The following EIF4ENIF1 variants were observed in gnomAD, a reference collection of about 807,000 sequenced individuals.
EIF4ENIF1 encodes the protein eukaryotic translation initiation factor 4E transporter.
A neutral mutation model predicts 110.5 loss-of-function variants in EIF4ENIF1; 23 were observed. That is an observed-to-expected ratio of 0.21 (90% CI 0.15 to 0.29). The LOEUF (loss-of-function observed/expected upper bound fraction) is 0.29. Among genes scored for constraint, EIF4ENIF1 ranks in the 10% least tolerant of loss-of-function variants. The pLI, the probability that EIF4ENIF1 is intolerant of heterozygous loss-of-function variation, is 1.00. For missense variants in EIF4ENIF1, 1,031 were observed against 1,221.1 expected (o/e 0.84, Z 2.32); for synonymous variants, 440 against 437.0 (o/e 1.01, Z -0.09).
chr22:31,450,509 C>G (rs917920094), intron 10 of EIF4ENIF1, 149 bp from the exon 11 acceptor site: 1 of 555,460 alleles, frequency 1.8e-6, no homozygotes, highest in Non-Finnish European at 3.3e-6. Flanking sequence ...CAACGTGTTC[C>G]GCTCTCATCA....
intron 14 of EIF4ENIF1, 38 bp from the exon 15 acceptor site, chr22:31,444,728 G>C: frequency 1.3e-6 from 2 of 1,592,752 alleles, no homozygotes; most frequent in Non-Finnish European, 1.7e-6. Context: ...ACCCCAATCT[G>C]CTTAACTTCA....
intron 2 of EIF4ENIF1, among the ~76,000 whole-genome samples, chr22:31,479,655 G>T (rs1056535168): frequency 6.7e-6 from 1 of 148,406 alleles, no homozygotes; most frequent in African/African-American, 2.5e-5. Flanking sequence ...AGTATTTCAA[G>T]AAAGGATGTG....
intron 4 of EIF4ENIF1, among the ~76,000 whole-genome samples, chr22:31,465,290 T>G (rs1342132367): frequency 6.8e-6 from 1 of 147,726 alleles, no homozygotes; most frequent in Non-Finnish European, 1.5e-5. Context: ...ACCACTGCAC[T>G]GTAGCCTGGG....
chr22:31,443,352 G>C (rs2050362849), intron 15 of EIF4ENIF1: 1 of 350,100 alleles, frequency 2.9e-6, no homozygotes, highest in African/African-American at 2.1e-5. Flanking sequence ...AGATTTCCCA[G>C]CCTGGGATTA....
At position 31,466,003 on chromosome 22, in the gene EIF4ENIF1, C is replaced by G. The variant is rs1005886521; in HGVS notation, c.299-2036G>C. Among the ~76,000 whole-genome samples, 4 of 152,196 alleles carry G rather than the reference C, an allele frequency of 2.6e-5. No individual in the cohort carries two copies. In the South Asian group the frequency reaches 8.3e-4, roughly 32 times the overall value. On this transcript the variant is annotated intron_variant, in intron 4 of 18. Transcript: ENST00000330125. Reference sequence around the variant, plus strand: ...TACAGAAAGCAGATCAGTCCGGACACTATGGCTCATGCCTGTAATCCCAAC... The same window carrying G: ...TACAGAAAGCAGATCAGTCCGGACAGTATGGCTCATGCCTGTAATCCCAAC...
chr22:31,478,779 G>A lies in EIF4ENIF1; in HGVS notation c.97-6862C>T, dbSNP rs549910126. ...ATCCTGGCTAACATGGTGAAACCCC[G>A]TCTCTATCAAAAATACAAAAAAATT... On this transcript the variant is annotated intron_variant, in intron 2 of 18. Transcript: ENST00000330125. 2.6e-3 allele frequency among the ~76,000 whole-genome samples: 398 copies of A among 151,532 alleles called. 2 individuals are homozygous for A. The highest frequency in any genetic ancestry group is 8.9e-3 in the African/African-American group (368 of 41,336).
intron 2 of EIF4ENIF1, among the ~76,000 whole-genome samples, chr22:31,485,937 G>T: frequency 6.6e-6 from 1 of 151,730 alleles, no homozygotes; most frequent in East Asian, 1.9e-4. Flanking sequence ...CAGTGAAACC[G>T]TCTCTACTAA....
intron 11 of EIF4ENIF1, 130 bp from the exon 12 acceptor site, chr22:31,449,661 G>T: frequency 1.4e-6 from 1 of 713,698 alleles, no homozygotes. Flanking sequence ...CTTGGCATGT[G>T]TACATGCAAC....
At chr22:31,477,593 A>T (rs1319723028) in intron 2 of EIF4ENIF1, among the ~76,000 whole-genome samples, 1 of 152,210 alleles carries the variant, frequency 6.6e-6, no homozygotes, top group Non-Finnish European at 1.5e-5. Flanking sequence ...TGTGATGCTT[A>T]AGTGAACAGA....
chr22:31,438,755 ACT>A (rs1296952168), downstream of EIF4ENIF1, among the ~76,000 whole-genome samples: 1 of 151,192 alleles, frequency 6.6e-6, no homozygotes, highest in African/African-American at 2.4e-5. Flanking sequence ...ATGGAGTCTC[ACT>A]CTGTCGCCAG....
At chr22:31,445,515 T>C (rs1010762112) in intron 14 of EIF4ENIF1, among the ~76,000 whole-genome samples, 1 of 152,320 alleles carries the variant, frequency 6.6e-6, no homozygotes, top group African/African-American at 2.4e-5. Flanking sequence ...AGATCAGTAC[T>C]ATTCTGAGTG....
At position 31,463,836 on chromosome 22, in the gene EIF4ENIF1, T is replaced by C. The variant is rs770281421; in HGVS notation, c.430A>G (p.Ser144Gly). 4 of 1,614,066 alleles carry C rather than the reference T, an allele frequency of 2.5e-6. No homozygotes were observed. Among genetic ancestry groups the C allele is most frequent in the Non-Finnish European group, 3.4e-6 (4 of 1,180,018 alleles). The change falls in exon 5 of 19, where the codon AGT (serine) becomes GGT (glycine). Residue 144 changes from serine (S) to glycine (G), a missense_variant. By Grantham distance (56) the Ser-to-Gly change is moderately conservative. Coordinates refer to ENST00000330125, the MANE Select transcript of EIF4ENIF1 (RefSeq NM_019843.4). ...RRSGSPLEKD[S>G]DGLRLLGGRR... is the part of the protein sequence containing the mutation. ...CCACCAAGCAGACGAAGCCCATCAC[T>C]ATCTTTCTCTAATGGACTTCCTGAG...
At chr22:31,459,646 C>T (rs986194372) in intron 6 of EIF4ENIF1, among the ~76,000 whole-genome samples, 1 of 152,210 alleles carries the variant, frequency 6.6e-6, no homozygotes, top group African/African-American at 2.4e-5. Context: ...TTGTCTTACT[C>T]TGTAGTGCCA....
downstream of EIF4ENIF1, chr22:31,437,450 T>TCCCCCCCCCCCC (rs368145036): frequency 1.7e-4 from 21 of 125,098 alleles, no homozygotes; most frequent in Non-Finnish European, 2.4e-4. Context: ...TTTGCCTTCA[T>TCCCCCCCCCCCC]CCCCCCCCCA....
In EIF4ENIF1 at chr22:31,440,811, A is replaced by G. The variant is rs1474197055; in HGVS notation, c.2609T>C (p.Leu870Pro). 1.9e-6 allele frequency: 3 copies of G among 1,613,900 alleles called. No individual in the cohort carries two copies. Among genetic ancestry groups the G allele is most frequent in the Non-Finnish European group, 1.7e-6 (2 of 1,179,884 alleles). ...SHLQGISGPI[L>P]GQPFYPLPAA... is the part of the protein sequence containing the mutation. ...AGGTAAAGGGTAAAAGGGCTGACCC[A>G]GGATGGGGCCAGATATTCCCTGTAA... is the stretch of plus-strand genomic sequence containing the variant. The change falls in exon 18 of 19, where the codon CTG (leucine) becomes CCG (proline). Residue 870 changes from leucine to proline, a missense_variant. Transcript: ENST00000330125.
chr22:31,455,755 T>C lies in EIF4ENIF1; in HGVS notation c.1099+97A>G, dbSNP rs2050794674. 6.0e-6 allele frequency: 9 copies of C among 1,503,474 alleles called. No individual in the cohort carries two copies. The South Asian group carries it at 6.0e-5, about 10-fold the overall frequency. The allele number at this position is 1,503,474 out of a possible 1,614,324, so 93.1% of individuals were successfully genotyped here. A position where few individuals can be genotyped will look rare whatever the true frequency, so the allele number is the denominator to read the frequency against. ...GGCTTTTCAGTTGTCCAGAGACCCT[T>C]TGACCCTAATTGACTCCTGACTAAT... is the stretch of plus-strand genomic sequence containing the variant. On this transcript the variant is annotated intron_variant, in intron 8 of 18. Coordinates refer to ENST00000330125, the MANE Select transcript of EIF4ENIF1 (RefSeq NM_019843.4).
intron 6 of EIF4ENIF1, among the ~76,000 whole-genome samples, chr22:31,460,873 A>G (rs1402238909): frequency 3.9e-5 from 6 of 152,130 alleles, no homozygotes; most frequent in East Asian, 1.9e-4. Context: ...GTGAACCCGG[A>G]GGCGGAGTTT....
chr22:31,470,913 G>A (rs912686474), intron 3 of EIF4ENIF1, among the ~76,000 whole-genome samples: 6 of 151,370 alleles, frequency 4.0e-5, no homozygotes, highest in Non-Finnish European at 8.8e-5. Flanking sequence ...TCGGGAGGCT[G>A]AGGCAGGAGA....
intron 2 of EIF4ENIF1, among the ~76,000 whole-genome samples, chr22:31,483,207 ATC>A (rs2051889911): frequency 9.4e-6 from 1 of 106,650 alleles, no homozygotes; most frequent in African/African-American, 3.3e-5. Context: ...CCAGGAGACG[ATC>A]TTTTTTTTTT....
Sources: allele counts gnomAD v4.1 joint callset (sites outside exome capture counted in the v4.1 genomes callset), GRCh38; gene constraint gnomAD v4.1.1; transcripts MANE v1.5; gene names NCBI Gene and HGNC (gene_info 2026-07-23, HGNC 2026-07-21).